Variants in OPHN1 observed in about 807,000 individuals in gnomAD.
The protein encoded by OPHN1 is oligophrenin-1.
A neutral mutation model predicts 60.7 loss-of-function variants in OPHN1; 11 were observed. That is an observed-to-expected ratio of 0.18 (90% CI 0.11 to 0.30). The LOEUF (loss-of-function observed/expected upper bound fraction) is 0.30. Among genes scored for constraint, OPHN1 ranks in the 10% least tolerant of loss-of-function variants. The probability of loss-of-function intolerance (pLI) is 1.00; values close to 1 mark genes in which losing one functional copy is unlikely to be tolerated. For synonymous variants in OPHN1, 226 were observed against 222.6 expected (o/e 1.02, Z -0.14); for missense variants, 449 against 611.0 (o/e 0.73, Z 2.80).
intron 15 of OPHN1, chrX:68,132,870 G>T: frequency 3.5e-6 from 1 of 282,740 alleles, no homozygotes; most frequent in Non-Finnish European, 6.3e-6. Flanking sequence ...GCGACCTGGC[G>T]AACCAGGCGA....
intron 5 of OPHN1, among the ~76,000 whole-genome samples, chrX:68,239,816 ATTTTT>A (rs35695832): frequency 1.1e-5 from 1 of 93,589 alleles, no homozygotes; most frequent in Non-Finnish European, 2.1e-5. Context: ...TTCCTTTTCT[ATTTTT>A]TTTTTTTTTC....
At chrX:68,102,552 C>T (rs1214966243) in intron 18 of OPHN1, among the ~76,000 whole-genome samples, 1 of 109,913 alleles carries the variant, frequency 9.1e-6, no homozygotes, top group Non-Finnish European at 1.9e-5. Context: ...GATAGAGACA[C>T]AAAAAATGCA....
intron 2 of OPHN1, among the ~76,000 whole-genome samples, chrX:68,317,539 AAAAGAAAGAAAGAAAG>A (rs762679584): frequency 4.4e-4 from 26 of 58,921 alleles, no homozygotes; most frequent in Admixed American, 5.9e-4. Flanking sequence ...AAGAAAGAAA[AAAAGAAAGAAAGAAAG>A]AAAGAAAGAA....
At chrX:68,354,687 G>A (rs1485772588) in intron 2 of OPHN1, among the ~76,000 whole-genome samples, 3 of 105,247 alleles carry the variant, frequency 2.9e-5, no homozygotes, top group South Asian at 4.4e-4. Flanking sequence ...CCCAGGAGGC[G>A]GAGGTTGCAG....
At chrX:68,220,378 C>G (rs1471923041) in intron 6 of OPHN1, among the ~76,000 whole-genome samples, 2 of 111,214 alleles carry the variant, frequency 1.8e-5, no homozygotes, top group African/African-American at 6.5e-5. Flanking sequence ...ACTATTCCTT[C>G]TGAAACTATT....
intron 3 of OPHN1, among the ~76,000 whole-genome samples, chrX:68,285,707 A>G (rs2078037994): frequency 9.1e-6 from 1 of 110,012 alleles, no homozygotes; most frequent in Admixed American, 9.8e-5. Flanking sequence ...TTTCTCAATC[A>G]TTATTCTTTA....
At chrX:68,383,242 G>A (rs960497346) in intron 2 of OPHN1, among the ~76,000 whole-genome samples, 3 of 111,059 alleles carry the variant, frequency 2.7e-5, no homozygotes, top group Non-Finnish European at 5.7e-5. Context: ...CTCAGACCAA[G>A]TGCAGACTGC....
At chrX:68,381,129 C>G (rs1339931268) in intron 2 of OPHN1, among the ~76,000 whole-genome samples, 1 of 111,642 alleles carries the variant, frequency 9.0e-6, no homozygotes, top group African/African-American at 3.3e-5. Flanking sequence ...TTCTCTTAGG[C>G]AATCGCAAGG....
chrX:68,231,915 C>T (rs1325777967), intron 6 of OPHN1, among the ~76,000 whole-genome samples: 4 of 111,585 alleles, frequency 3.6e-5, no homozygotes, highest in Non-Finnish European at 7.5e-5. Context: ...AATACATTGG[C>T]TCCTCAATTC....
intron 2 of OPHN1, among the ~76,000 whole-genome samples, chrX:68,346,445 T>C (rs1048450512): frequency 1.8e-5 from 2 of 112,009 alleles, no homozygotes; most frequent in Admixed American, 1.9e-4. Context: ...GGCTTCTGCA[T>C]AAATGAAAAG....
At chrX:68,076,967 G>T (rs781132801) in intron 19 of OPHN1, among the ~76,000 whole-genome samples, 1 of 111,852 alleles carries the variant, frequency 8.9e-6, no homozygotes, top group African/African-American at 3.2e-5. Context: ...TATACTAACA[G>T]AACTGATTAG....
At chrX:68,296,811 TA>T (rs1271259100) in intron 3 of OPHN1, among the ~76,000 whole-genome samples, 3 of 110,320 alleles carry the variant, frequency 2.7e-5, no homozygotes, top group Non-Finnish European at 5.7e-5. Context: ...TTTCTTTTTT[TA>T]AAAAAGCAGC....
intron 16 of OPHN1, among the ~76,000 whole-genome samples, chrX:68,117,903 A>G (rs1457491251): frequency 8.9e-6 from 1 of 112,080 alleles, no homozygotes; most frequent in African/African-American, 3.2e-5. Flanking sequence ...TTATAGGATG[A>G]GCTGGGAATA....
Position 68,336,100 on chromosome X carries a change from T to C in OPHN1, c.155-37004A>G, listed in dbSNP as rs1292283501. ...AAGGACTTCTTGAATCTCAAAGCAG[T>C]TGACCACAGAGAGTAATTCAAATTC... is the stretch of plus-strand genomic sequence containing the variant. On this transcript the variant is annotated intron_variant, in intron 2 of 24. Coordinates refer to ENST00000355520, the MANE Select transcript of OPHN1 (RefSeq NM_002547.3). 1.7e-4 allele frequency among the ~76,000 whole-genome samples: 19 copies of C among 111,218 alleles called. No individual in the cohort carries two copies. In the Admixed American group the frequency reaches 1.8e-3, roughly 11 times the overall value.
At chrX:68,194,208 C>T (rs1001463502) in intron 13 of OPHN1, among the ~76,000 whole-genome samples, 2 of 112,263 alleles carry the variant, frequency 1.8e-5, no homozygotes, top group Non-Finnish European at 3.8e-5. Context: ...AAATGTTAGC[C>T]TAAAAATACA....
intron 19 of OPHN1, among the ~76,000 whole-genome samples, chrX:68,081,364 T>C (rs2076973952): frequency 9.0e-6 from 1 of 111,159 alleles, no homozygotes; most frequent in African/African-American, 3.3e-5. Flanking sequence ...TATATGAATC[T>C]CAAACTTGAA....
chrX:68,118,071 G>T (rs775723856), intron 16 of OPHN1, among the ~76,000 whole-genome samples: 56 of 111,845 alleles, frequency 5.0e-4, no homozygotes, highest in African/African-American at 1.8e-3. Flanking sequence ...AAATTACCAA[G>T]CCATCCAAAG....
At chrX:68,356,705 G>A (rs1027392700) in intron 2 of OPHN1, among the ~76,000 whole-genome samples, 1 of 111,291 alleles carries the variant, frequency 9.0e-6, no homozygotes, top group Non-Finnish European at 1.9e-5. Context: ...GAGCCACTGC[G>A]CCAGGCCCCT....
chrX:68,407,205 A>G lies in OPHN1; in HGVS notation c.154+25662T>C, dbSNP rs2078747647. On this transcript the variant is annotated intron_variant, in intron 2 of 24. Coordinates refer to ENST00000355520, the MANE Select transcript of OPHN1 (RefSeq NM_002547.3). ...GGCAACAAGAACAAAACTTCGTCTC[A>G]AAATAAATAAATAAATAAATACATA... 2.7e-5 allele frequency among the ~76,000 whole-genome samples: 3 copies of G among 112,237 alleles called. No homozygotes were observed. In the South Asian group the frequency reaches 1.1e-3, roughly 41 times the overall value.
Sources: allele counts gnomAD v4.1 joint callset (sites outside exome capture counted in the v4.1 genomes callset), GRCh38; gene constraint gnomAD v4.1.1; transcripts MANE v1.5; gene names NCBI Gene and HGNC (gene_info 2026-07-23, HGNC 2026-07-21).